Variants in GRID2 observed in about 807,000 individuals in gnomAD.
GRID2 encodes glutamate ionotropic receptor delta type subunit 2.
Under a neutral mutation model 114.8 loss-of-function variants are expected in GRID2, and 33 were observed. The ratio of observed to expected loss-of-function variants is 0.29; its 90% confidence interval spans 0.22 to 0.38. The LOEUF is 0.38. GRID2 is among the 10% of genes least tolerant of loss of function. GRID2 has a pLI of 1.00. For missense variants in GRID2, 1,184 were observed against 1,257.7 expected (o/e 0.94, Z 0.89); for synonymous variants, 505 against 449.9 (o/e 1.12, Z -1.55).
At chr4:93,173,469 G>A (rs1209547241) in intron 4 of GRID2, among the ~76,000 whole-genome samples, 1 of 151,964 alleles carries the variant, frequency 6.6e-6, no homozygotes, top group African/African-American at 2.4e-5. Context: ...AAAAAGAAAT[G>A]GCAATCAAGA....
In GRID2 at chr4:93,472,193, G is replaced by A. The variant is rs1292255324; in HGVS notation, c.1858+16219G>A. ...TACAAAATTAGCCAAGCATGGTGGC[G>A]CATGCCTGTAATCCCAGCTACAAGG... On this transcript the variant is annotated intron_variant, in intron 11 of 15. Coordinates refer to ENST00000282020, the MANE Select transcript of GRID2 (RefSeq NM_001510.4). Among the ~76,000 whole-genome samples the A allele has an allele frequency of 4.6e-5, 7 of 151,528 alleles. 1 individual carries two copies. In the South Asian group the frequency reaches 6.3e-4, roughly 14 times the overall value.
Position 92,936,320 on chromosome 4 carries a change from G to GA in GRID2, c.245-148668dup, listed in dbSNP as rs911796112. 6.9e-5 allele frequency among the ~76,000 whole-genome samples: 10 copies of GA among 145,958 alleles called. 1 individual carries two copies. Among genetic ancestry groups the GA allele is most frequent in the Admixed American group, 1.5e-4 (2 of 13,396 alleles). Reference sequence around the variant, plus strand: ...TAAATGTTTGCATAGTTTAAAAATAGAAAAAAATTACACTAAGGCATTATC... The same window carrying GA: ...TAAATGTTTGCATAGTTTAAAAATAGAAAAAAAATTACACTAAGGCATTATC... On this transcript the variant is annotated intron_variant, in intron 2 of 15. Transcript: ENST00000282020.
intron 2 of GRID2, among the ~76,000 whole-genome samples, chr4:93,009,622 A>G (rs896106328): frequency 6.6e-6 from 1 of 152,076 alleles, no homozygotes. Flanking sequence ...GTTGAAGTCC[A>G]TTTTATCCCC....
intron 2 of GRID2, among the ~76,000 whole-genome samples, chr4:92,938,103 TTC>T (rs1750802745): frequency 6.8e-6 from 1 of 146,870 alleles, no homozygotes. Flanking sequence ...TGAGAAGAAT[TTC>T]TGTTTATTTC....
chr4:92,833,805 T>C (rs1299640094), intron 2 of GRID2: 1 of 152,360 alleles, frequency 6.6e-6, no homozygotes, highest in South Asian at 2.1e-4. Flanking sequence ...TTGGTGGCTG[T>C]GGTAACAGGC....
At chr4:92,420,913 A>T (rs12640559) in intron 1 of GRID2, among the ~76,000 whole-genome samples, 3 of 151,946 alleles carry the variant, frequency 2.0e-5, no homozygotes, top group Non-Finnish European at 2.9e-5. Flanking sequence ...TCAAACTCCT[A>T]GCCTCAAGTG....
intron 2 of GRID2, among the ~76,000 whole-genome samples, chr4:92,690,079 A>G (rs1734103349): frequency 6.6e-6 from 1 of 152,084 alleles, no homozygotes; most frequent in Admixed American, 6.5e-5. Context: ...AATTTTTTTA[A>G]GCTTTTCCTT....
At chr4:92,310,557 A>G (rs1281201886) in intron 1 of GRID2, among the ~76,000 whole-genome samples, 1 of 152,040 alleles carries the variant, frequency 6.6e-6, no homozygotes, top group Admixed American at 6.6e-5. Context: ...TGATGTGGAC[A>G]CACATTTCAG....
chr4:92,455,513 G>A (rs1321263851), intron 1 of GRID2, among the ~76,000 whole-genome samples: 7 of 152,148 alleles, frequency 4.6e-5, no homozygotes, highest in Admixed American at 4.6e-4. Flanking sequence ...TGAGGAAGTG[G>A]TACTGGAGCA....
chr4:93,802,659 T>C (rs1006631649), intron 1 of GRID2, among the ~76,000 whole-genome samples: 1 of 152,220 alleles, frequency 6.6e-6, no homozygotes, highest in East Asian at 1.9e-4. Flanking sequence ...GTACTTGTTA[T>C]CATAAAGCAT....
At chr4:92,929,912 T>C (rs1750096502) in intron 2 of GRID2, among the ~76,000 whole-genome samples, 1 of 151,362 alleles carries the variant, frequency 6.6e-6, no homozygotes, top group Admixed American at 6.6e-5. Context: ...CATACATTCT[T>C]TTTTACTTGG....
At chr4:93,377,146 A>G (rs147192075) in intron 8 of GRID2, among the ~76,000 whole-genome samples, 1 of 152,290 alleles carries the variant, frequency 6.6e-6, no homozygotes, top group East Asian at 1.9e-4. Flanking sequence ...GGCAAGAAAG[A>G]GTAGGCGCAT....
chr4:92,501,594 G>A (rs1723685882), intron 1 of GRID2, among the ~76,000 whole-genome samples: 1 of 152,068 alleles, frequency 6.6e-6, no homozygotes, highest in African/African-American at 2.4e-5. Context: ...AGGCCTGTAA[G>A]CTCTTTAGTA....
intron 14 of GRID2, among the ~76,000 whole-genome samples, chr4:93,708,375 C>T (rs887508431): frequency 2.6e-5 from 4 of 151,878 alleles, no homozygotes; most frequent in Admixed American, 1.3e-4. Flanking sequence ...TACCTGTATG[C>T]TCCAGTGTTA....
chr4:93,561,308 C>CA (rs1272735165), intron 13 of GRID2, among the ~76,000 whole-genome samples: 2 of 152,064 alleles, frequency 1.3e-5, no homozygotes, highest in African/African-American at 2.4e-5. Flanking sequence ...TTAGAGAGTA[C>CA]TAACAGAGCC....
intron 1 of GRID2, among the ~76,000 whole-genome samples, chr4:92,586,921 TA>T (rs1728478185): frequency 6.6e-6 from 1 of 152,022 alleles, no homozygotes; most frequent in Non-Finnish European, 1.5e-5. Context: ...AAGGATTACA[TA>T]AAGCCTTTAT....
chr4:92,716,723 A>T (rs1735570029), intron 2 of GRID2, among the ~76,000 whole-genome samples: 1 of 152,176 alleles, frequency 6.6e-6, no homozygotes. Flanking sequence ...TCTCCTGAGG[A>T]AATCCTATTA....
At chr4:93,222,605 T>A (rs984284642) in intron 6 of GRID2, among the ~76,000 whole-genome samples, 2 of 151,990 alleles carry the variant, frequency 1.3e-5, no homozygotes, top group Non-Finnish European at 2.9e-5. Flanking sequence ...TCTAATGCTA[T>A]CCCTCACCCC....
At chr4:93,107,163 G>C (rs1280867757) in intron 3 of GRID2, among the ~76,000 whole-genome samples, 1 of 152,136 alleles carries the variant, frequency 6.6e-6, no homozygotes, top group Admixed American at 6.5e-5. Context: ...GCCTGGCATG[G>C]AGGTGTGCAC....
Sources: gnomAD v4.1 joint callset for allele counts (sites outside exome capture counted in the v4.1 genomes callset) on GRCh38, gnomAD v4.1.1 for gene constraint, MANE v1.5 for transcripts, NCBI Gene and HGNC (gene_info 2026-07-23, HGNC 2026-07-21) for gene names.